CTNNA3: variants seen among roughly 807,000 people sequenced by gnomAD.
CTNNA3 encodes the protein catenin alpha-3.
Under a neutral mutation model 95.7 loss-of-function variants are expected in CTNNA3, and 76 were observed. The ratio of observed to expected loss-of-function variants is 0.79; its 90% CI spans 0.66 to 0.96. The LOEUF (loss-of-function observed/expected upper bound fraction) is 0.96, where lower values mean the gene tolerates loss of function less well. Among genes scored for constraint, CTNNA3 ranks in the 40% least tolerant of loss-of-function variants. CTNNA3 has a pLI of 0.00. For missense variants in CTNNA3, 1,191 were observed against 1,089.8 expected (o/e 1.09, Z -1.31); for synonymous variants, 431 against 374.4 (o/e 1.15, Z -1.74).
At position 66,296,329 on chromosome 10, in the gene CTNNA3, G is replaced by A. The variant is rs140365301; in HGVS notation, c.1733-15708C>T. The stretch of plus-strand genomic sequence containing the variant: ...TACTTTCTCAGCTGTTACTCAAATT[G>A]ATTATAACTATAAAGGAATTTCATT... On this transcript the variant is annotated intron_variant, in intron 12 of 17. Coordinates refer to ENST00000433211, the MANE Select transcript of CTNNA3 (RefSeq NM_013266.4). 2.3e-3 allele frequency among the ~76,000 whole-genome samples: 348 copies of A among 152,124 alleles called. 3 individuals carry two copies. Among genetic ancestry groups the A allele is most frequent in the Middle Eastern group, 6.8e-3 (2 of 292 alleles).
chr10:67,509,190 T>C (rs557540526), intron 5 of CTNNA3, among the ~76,000 whole-genome samples: 1 of 146,788 alleles, frequency 6.8e-6, no homozygotes, highest in Admixed American at 6.6e-5. Flanking sequence ...TAGACATGTT[T>C]CTTTTTTTTT....
chr10:67,560,142 C>T (rs983037233), intron 3 of CTNNA3, among the ~76,000 whole-genome samples: 20 of 152,018 alleles, frequency 1.3e-4, no homozygotes, highest in African/African-American at 4.8e-4. Context: ...GAGAACACCA[C>T]AAAGATACTC....
intron 5 of CTNNA3, among the ~76,000 whole-genome samples, chr10:67,312,841 G>C (rs2132530291): frequency 6.6e-6 from 1 of 152,260 alleles, no homozygotes; most frequent in East Asian, 1.9e-4. Flanking sequence ...TCTGGACTTT[G>C]ATCTAAAACC....
chr10:66,219,161 C>T (rs1470454803), intron 13 of CTNNA3, among the ~76,000 whole-genome samples: 1 of 151,970 alleles, frequency 6.6e-6, no homozygotes, highest in South Asian at 2.1e-4. Context: ...GGTCCTGATT[C>T]ATATAGTGAA....
intron 12 of CTNNA3, among the ~76,000 whole-genome samples, chr10:66,301,856 A>G (rs1315076390): frequency 6.6e-6 from 1 of 152,066 alleles, no homozygotes; most frequent in African/African-American, 2.4e-5. Context: ...TAAACAATAA[A>G]AGGAAATAAA....
At chr10:67,603,131 G>C (rs58855815) in intron 3 of CTNNA3, among the ~76,000 whole-genome samples, 28,936 of 152,062 alleles carry the variant, frequency 0.19, 4,386 homozygotes, top group African/African-American at 0.42. Context: ...AGTCTGTAAG[G>C]ACACAGAAGA....
intron 13 of CTNNA3, among the ~76,000 whole-genome samples, chr10:66,162,109 G>A (rs900072327): frequency 2.0e-5 from 3 of 149,998 alleles, no homozygotes; most frequent in Non-Finnish European, 4.4e-5. Flanking sequence ...TTCACTTCTT[G>A]TATCTTGTTT....
At chr10:66,190,562 G>A (rs2086613963) in intron 13 of CTNNA3, among the ~76,000 whole-genome samples, 1 of 152,060 alleles carries the variant, frequency 6.6e-6, no homozygotes, top group African/African-American at 2.4e-5. Flanking sequence ...ATGTCTCCTG[G>A]ACATGGTTCA....
intron 7 of CTNNA3, among the ~76,000 whole-genome samples, chr10:66,983,758 C>T (rs1589545662): frequency 6.6e-6 from 1 of 152,096 alleles, no homozygotes; most frequent in Non-Finnish European, 1.5e-5. Flanking sequence ...GGAAAAAATG[C>T]AAAGTGGGGG....
chr10:67,208,856 G>C (rs1431771652), intron 6 of CTNNA3, among the ~76,000 whole-genome samples: 1 of 151,924 alleles, frequency 6.6e-6, no homozygotes, highest in African/African-American at 2.4e-5. Context: ...TATTGTCAAA[G>C]ATACACCAGG....
chr10:66,777,470 C>T (rs1276150211), intron 7 of CTNNA3, among the ~76,000 whole-genome samples: 1 of 151,742 alleles, frequency 6.6e-6, no homozygotes, highest in Non-Finnish European at 1.5e-5. Context: ...TTCTGGATAT[C>T]AGAGCAATGG....
rs1028395052 is a variant in CTNNA3, at chr10:66,210,560, AT to A, written c.1884+69909del. On this transcript the variant is annotated intron_variant, in intron 13 of 17. Coordinates refer to ENST00000433211, the MANE Select transcript of CTNNA3 (RefSeq NM_013266.4). ...AGGGTAAATCTATTGTTTCGATAAGATTTTTTTTCAATTGATACATAAATAA... is the reference window on the plus strand; with the variant it reads ...AGGGTAAATCTATTGTTTCGATAAGATTTTTTTCAATTGATACATAAATAA... Among the ~76,000 whole-genome samples the A allele has an allele frequency of 4.0e-5, 6 of 151,894 alleles. No homozygotes were observed. The South Asian group carries it at 8.3e-4, about 21-fold the overall frequency.
chr10:66,469,017 G>A (rs1253231505), intron 11 of CTNNA3, among the ~76,000 whole-genome samples: 1 of 151,748 alleles, frequency 6.6e-6, no homozygotes, highest in Non-Finnish European at 1.5e-5. Context: ...AAATATAAAT[G>A]AAAGGAGAGT....
intron 7 of CTNNA3, among the ~76,000 whole-genome samples, chr10:67,033,186 C>T (rs1022648389): frequency 3.3e-5 from 5 of 152,148 alleles, no homozygotes; most frequent in Admixed American, 2.6e-4. Flanking sequence ...ATCTTCAAGT[C>T]CTCTTGAATT....
At chr10:66,789,954 C>G (rs1840902856) in intron 7 of CTNNA3, among the ~76,000 whole-genome samples, 1 of 152,088 alleles carries the variant, frequency 6.6e-6, no homozygotes, top group South Asian at 2.1e-4. Flanking sequence ...CAGCAGTACT[C>G]TCGCTGAGCA....
At chr10:67,146,030 T>G (rs998983811) in intron 7 of CTNNA3, among the ~76,000 whole-genome samples, 1 of 152,146 alleles carries the variant, frequency 6.6e-6, no homozygotes, top group African/African-American at 2.4e-5. Flanking sequence ...TTACTGGGTA[T>G]TGTACTGAAT....
intron 7 of CTNNA3, among the ~76,000 whole-genome samples, chr10:66,850,667 T>C (rs1023370775): frequency 6.6e-6 from 1 of 152,168 alleles, no homozygotes; most frequent in African/African-American, 2.4e-5. Context: ...CAACCATTTT[T>C]TTTCAAGCTG....
At chr10:66,763,341 C>CACACACACAGAGAGAGAG (rs371974709) in intron 9 of CTNNA3, among the ~76,000 whole-genome samples, 6 of 139,104 alleles carry the variant, frequency 4.3e-5, no homozygotes, top group Non-Finnish European at 9.2e-5. Context: ...CACACACACA[C>CACACACACAGAGAGAGAG]AGAGAGAGAG....
intron 7 of CTNNA3, among the ~76,000 whole-genome samples, chr10:67,000,976 A>G (rs1232735517): frequency 1.3e-5 from 2 of 152,126 alleles, no homozygotes; most frequent in African/African-American, 2.4e-5. Flanking sequence ...GTAGAGAGAG[A>G]AAATAGGAAG....
Sources: gnomAD v4.1 joint callset for allele counts (sites outside exome capture counted in the v4.1 genomes callset) on GRCh38, gnomAD v4.1.1 for gene constraint, MANE v1.5 for transcripts, NCBI Gene and HGNC (gene_info 2026-07-23, HGNC 2026-07-21) for gene names.